The following MAGI2 variants were observed in gnomAD, a reference collection of about 807,000 sequenced individuals.
The protein encoded by MAGI2 is membrane-associated guanylate kinase, WW and PDZ domain-containing protein 2.
Under a neutral mutation model 133.3 loss-of-function variants are expected in MAGI2, and 35 were observed. The ratio of observed to expected loss-of-function variants is 0.26; its 90% CI spans 0.20 to 0.35. The LOEUF (loss-of-function observed/expected upper bound fraction) is 0.35, where lower values mean the gene tolerates loss of function less well. Among genes scored for constraint, MAGI2 ranks in the 10% least tolerant of loss-of-function variants. The pLI is 1.00. For missense variants in MAGI2, 1,636 were observed against 1,863.4 expected, an observed-to-expected ratio of 0.88 and a Z score of 2.25; for synonymous variants, 729 against 710.6, an observed-to-expected ratio of 1.03 and a Z score of -0.41.
chr7:78,653,772 T>C (rs1402476788), intron 2 of MAGI2, among the ~76,000 whole-genome samples: 1 of 38,932 alleles, frequency 2.6e-5, no homozygotes, highest in Non-Finnish European at 4.4e-5. Context: ...ACTTGAAGTA[T>C]GATAAAAAAA....
intron 2 of MAGI2, among the ~76,000 whole-genome samples, chr7:78,892,221 A>T (rs1275998554): frequency 1.3e-5 from 2 of 152,188 alleles, no homozygotes; most frequent in Non-Finnish European, 2.9e-5. Context: ...TGCTCAACGA[A>T]ATAAAAGAGG....
Position 78,018,961 on chromosome 7 carries a change from T to G in MAGI2, c.*354A>C, listed in dbSNP as rs1341681686. 2.0e-5 allele frequency: 8 copies of G among 396,826 alleles called. No individual in the cohort carries two copies. Among genetic ancestry groups the G allele is most frequent in the Non-Finnish European group, 3.6e-5 (8 of 225,150 alleles). The allele number at this position is 396,826 out of a possible 1,614,324, so 24.6% of individuals were successfully genotyped here. Reference sequence around the variant, plus strand: ...CTTAACTTTGTCCTGTTTCTTGATATAAAGTTTGGATGACATCCAAGTCCT... The same window carrying G: ...CTTAACTTTGTCCTGTTTCTTGATAGAAAGTTTGGATGACATCCAAGTCCT... On this transcript the variant is annotated 3_prime_UTR_variant, in exon 22 of 22. Coordinates refer to ENST00000354212, the MANE Select transcript of MAGI2 (RefSeq NM_012301.4).
At chr7:78,944,546 T>C (rs1284120813) in intron 2 of MAGI2, among the ~76,000 whole-genome samples, 1 of 151,930 alleles carries the variant, frequency 6.6e-6, no homozygotes, top group Non-Finnish European at 1.5e-5. Context: ...CAATTTCAAG[T>C]TTTTCTTTTC....
intron 2 of MAGI2, among the ~76,000 whole-genome samples, chr7:78,878,027 T>C (rs58330230): frequency 1.2e-3 from 190 of 152,356 alleles, no homozygotes; most frequent in African/African-American, 4.5e-3. Context: ...CAGTGACACA[T>C]TCTTTAACCT....
At chr7:78,422,580 CAA>C (rs11441295) in intron 6 of MAGI2, among the ~76,000 whole-genome samples, 183 of 112,746 alleles carry the variant, frequency 1.6e-3, no homozygotes, top group African/African-American at 3.9e-3. Flanking sequence ...TGTGTAAAGG[CAA>C]AAAAAAAAAA....
intron 1 of MAGI2, among the ~76,000 whole-genome samples, chr7:79,393,207 C>T (rs1291156664): frequency 6.6e-6 from 1 of 152,080 alleles, no homozygotes; most frequent in East Asian, 1.9e-4. Flanking sequence ...ATTGTAAAGA[C>T]TTAAATGGTA....
At chr7:79,232,329 C>G (rs751347276) in intron 1 of MAGI2, among the ~76,000 whole-genome samples, 2 of 141,040 alleles carry the variant, frequency 1.4e-5, no homozygotes, top group African/African-American at 5.3e-5. Flanking sequence ...GGGAGGATTC[C>G]CTCTTTTTCT....
At chr7:79,301,563 G>T (rs1454058980) in intron 1 of MAGI2, among the ~76,000 whole-genome samples, 1 of 152,124 alleles carries the variant, frequency 6.6e-6, no homozygotes, top group Non-Finnish European at 1.5e-5. Context: ...ACTTGTTTTT[G>T]ATTTTACAGG....
At chr7:79,018,536 C>T (rs954763675) in intron 1 of MAGI2, among the ~76,000 whole-genome samples, 14 of 152,112 alleles carry the variant, frequency 9.2e-5, no homozygotes, top group Admixed American at 2.0e-4. Flanking sequence ...GGATCAAATC[C>T]ACACATATCA....
intron 1 of MAGI2, among the ~76,000 whole-genome samples, chr7:79,054,182 C>G (rs533694131): frequency 6.6e-6 from 1 of 151,894 alleles, no homozygotes; most frequent in African/African-American, 2.4e-5. Context: ...GGCGACATAG[C>G]GAGACTCTGT....
At position 79,214,933 on chromosome 7, in the gene MAGI2, T is replaced by G. The variant is rs141073443; in HGVS notation, c.302-207727A>C. On this transcript the variant is annotated intron_variant, in intron 1 of 21. Coordinates refer to ENST00000354212, the MANE Select transcript of MAGI2 (RefSeq NM_012301.4). ...TATATTTATAAATTTCTATGATATATAACATATAAACATATGTTTATATAA... is the reference window on the plus strand; with the variant it reads ...TATATTTATAAATTTCTATGATATAGAACATATAAACATATGTTTATATAA... Among the ~76,000 whole-genome samples, 213 of 147,840 alleles carry G rather than the reference T, an allele frequency of 1.4e-3. 7 individuals carry two copies. In the East Asian group the frequency reaches 0.032, roughly 22 times the overall value.
intron 1 of MAGI2, among the ~76,000 whole-genome samples, chr7:79,447,572 G>A (rs1848947339): frequency 6.6e-6 from 1 of 151,866 alleles, no homozygotes; most frequent in African/African-American, 2.4e-5. Flanking sequence ...ATTGTTGGTT[G>A]CTTCACCTTG....
intron 1 of MAGI2, among the ~76,000 whole-genome samples, chr7:79,203,702 C>A (rs996606075): frequency 4.6e-5 from 7 of 152,002 alleles, no homozygotes; most frequent in African/African-American, 1.5e-4. Context: ...AGAAAAAAAA[C>A]CAATCCACCA....
At chr7:78,488,815 G>T (rs1793319671) in intron 6 of MAGI2, among the ~76,000 whole-genome samples, 1 of 151,990 alleles carries the variant, frequency 6.6e-6, no homozygotes, top group Admixed American at 6.6e-5. Flanking sequence ...CAGTATCTGA[G>T]AAAGTCAGAA....
At chr7:79,108,868 G>A (rs1818668438) in intron 1 of MAGI2, among the ~76,000 whole-genome samples, 1 of 152,242 alleles carries the variant, frequency 6.6e-6, no homozygotes, top group Admixed American at 6.5e-5. Flanking sequence ...AGATCTGGTT[G>A]TTTAAAAGTG....
intron 2 of MAGI2, among the ~76,000 whole-genome samples, chr7:78,877,107 A>C (rs1178731545): frequency 6.6e-6 from 1 of 152,166 alleles, no homozygotes. Flanking sequence ...AACTTTATCA[A>C]ATCTTTGTTT....
At chr7:79,423,011 A>G (rs1847085829) in intron 1 of MAGI2, among the ~76,000 whole-genome samples, 1 of 152,090 alleles carries the variant, frequency 6.6e-6, no homozygotes, top group South Asian at 2.1e-4. Flanking sequence ...AAAAAGAAAA[A>G]GAAATACAGG....
At chr7:79,220,490 C>T (rs1161355494) in intron 1 of MAGI2, among the ~76,000 whole-genome samples, 3 of 151,984 alleles carry the variant, frequency 2.0e-5, no homozygotes, top group African/African-American at 4.8e-5. Context: ...TCCTGTCCTC[C>T]TCACTCTCAC....
chr7:79,389,774 G>C lies in MAGI2; in HGVS notation c.301+63246C>G, dbSNP rs144813593. On this transcript the variant is annotated intron_variant, in intron 1 of 21. Coordinates refer to ENST00000354212, the MANE Select transcript of MAGI2 (RefSeq NM_012301.4). ...AGGGGAAGGGGAGAAATGGTTTACT[G>C]TCTGAATCCCCTTTTACTCACTAGA... 1.2e-3 allele frequency among the ~76,000 whole-genome samples: 185 copies of C among 152,154 alleles called. 1 individual carries two copies. In the East Asian group the frequency reaches 0.027, roughly 22 times the overall value.
Sources: allele counts gnomAD v4.1 joint callset (sites outside exome capture counted in the v4.1 genomes callset), GRCh38; gene constraint gnomAD v4.1.1; transcripts MANE v1.5; gene names NCBI Gene and HGNC (gene_info 2026-07-23, HGNC 2026-07-21).